Variants in MICAL2 observed in about 807,000 individuals in gnomAD.
MICAL2 encodes [F-actin]-monooxygenase MICAL2.
MICAL2 carries 77 observed loss-of-function variants against 127.3 expected under a neutral mutation model. That is an observed-to-expected ratio of 0.60 (90% CI 0.50 to 0.73). The LOEUF is 0.73. Ranked by LOEUF, MICAL2 falls within the 30% of genes least tolerant of loss-of-function variation. MICAL2 has a pLI of 0.00. For synonymous variants in MICAL2, 570 were observed against 551.1 expected, an observed-to-expected ratio of 1.03 and a Z score of -0.48; for missense variants, 1,351 against 1,434.4, an observed-to-expected ratio of 0.94 and a Z score of 0.94.
rs186513728 is a variant in MICAL2, at chr11:12,209,746, G to T, written c.691+148G>T. On this transcript the variant is annotated intron_variant, in intron 6 of 27. Transcript: ENST00000683283. ...GGGCAGACCATCCTGTCCCTCTTGA[G>T]GTAGAACAGCCCATCCACCTGTGGG... 2,100 of 695,116 alleles carry T rather than the reference G, an allele frequency of 3.0e-3. 7 individuals carry two copies. Among genetic ancestry groups the T allele is most frequent in the Non-Finnish European group, 4.6e-3 (1,833 of 394,540 alleles). The allele number at this position is 695,116 out of a possible 1,614,324, so 43.1% of individuals were successfully genotyped here. A position where few individuals can be genotyped will look rare whatever the true frequency, so the allele number is the denominator to read the frequency against.
chr11:12,213,072 C>T (rs553946433), intron 6 of MICAL2, among the ~76,000 whole-genome samples, 183 bp from the exon 7 acceptor site: 8 of 142,942 alleles, frequency 5.6e-5, no homozygotes, highest in African/African-American at 1.7e-4. Flanking sequence ...CGGACAGTCT[C>T]ACTGACTTTT....
At chr11:12,348,037 C>G (rs1349263785) in intron 32 of MICAL2, among the ~76,000 whole-genome samples, 1 of 150,944 alleles carries the variant, frequency 6.6e-6, no homozygotes, top group South Asian at 2.1e-4. Flanking sequence ...ACCTGTAGTC[C>G]TAGCTACTCA....
In MICAL2 at chr11:12,216,422, G is replaced by A. The variant is rs1228852344; in HGVS notation, c.948+103G>A. On this transcript the variant is annotated intron_variant, in intron 8 of 27. Coordinates refer to ENST00000683283, the MANE Select transcript of MICAL2 (RefSeq NM_001282663.2). The stretch of plus-strand genomic sequence containing the variant: ...TCCTGCCAGAAACTGAGCGAGGGGA[G>A]GAGGGGGGAAGGTGCCACCAGCTTA... 3.4e-6 allele frequency: 3 copies of A among 890,748 alleles called. No homozygotes were observed. In the East Asian group the frequency reaches 7.7e-5, roughly 23 times the overall value. The allele number at this position is 890,748 out of a possible 1,614,324, so 55.2% of individuals were successfully genotyped here.
downstream of MICAL2, among the ~76,000 whole-genome samples, chr11:12,266,367 AT>A (rs533752234): frequency 2.5e-3 from 387 of 152,272 alleles, no homozygotes; most frequent in Middle Eastern, 0.01. Flanking sequence ...TGCAACTTGA[AT>A]GTGTAAGTCG....
chr11:12,327,170 C>G, intron 31 of MICAL2: 1 of 1,551,506 alleles, frequency 6.4e-7, no homozygotes, highest in South Asian at 1.2e-5. Context: ...CCTGGTGTTG[C>G]AGGCCATCCA....
intron 15 of MICAL2, among the ~76,000 whole-genome samples, chr11:12,233,738 T>C (rs1365454780): frequency 6.6e-6 from 1 of 152,244 alleles, no homozygotes; most frequent in Non-Finnish European, 1.5e-5. Context: ...ACATAAGTTA[T>C]TTATTCTCAT....
At chr11:12,203,162 G>C (rs1258643032) in intron 3 of MICAL2, among the ~76,000 whole-genome samples, 2 of 152,152 alleles carry the variant, frequency 1.3e-5, no homozygotes, top group African/African-American at 4.8e-5. Flanking sequence ...TTCTTCATCA[G>C]TGGTGGCCAT....
At chr11:12,330,898 AGAGT>A (rs1389218195) in intron 32 of MICAL2, among the ~76,000 whole-genome samples, 35 of 121,198 alleles carry the variant, frequency 2.9e-4, no homozygotes, top group East Asian at 1.2e-3. Flanking sequence ...AGAGAGAGAG[AGAGT>A]GTGTGTGTGT....
At chr11:12,327,103 T>C in intron 31 of MICAL2, 1 of 1,343,044 alleles carries the variant, frequency 7.4e-7, no homozygotes, top group East Asian at 2.5e-5. Flanking sequence ...GGAAAGTAAG[T>C]GGCAGAATCA....
chr11:12,347,812 C>T (rs569443506), intron 32 of MICAL2, among the ~76,000 whole-genome samples: 2 of 152,070 alleles, frequency 1.3e-5, no homozygotes, highest in African/African-American at 4.8e-5. Context: ...TGGGTCAGAA[C>T]TCCTGTGCAG....
rs746964219 is a variant in MICAL2 at position 12,259,818 on chromosome 11, G to A, written c.3255G>A (p.Gln1085=). ...AGGAGGAGGCAACATGGCAAGAGCA[G>A]GAAGCCCCTCGGAGAGACACTCCCA... The part of the protein sequence containing the change: ...QREEEATWQE[Q]EAPRRDTPTE... The change falls in exon 26 of 28, where the codon CAG becomes CAA. Residue 1085 remains glutamine, a synonymous_variant. Coordinates refer to ENST00000683283, the MANE Select transcript of MICAL2 (RefSeq NM_001282663.2). 1.3e-6 allele frequency: 2 copies of A among 1,563,888 alleles called. No individual in the cohort carries two copies. The highest frequency in any genetic ancestry group is 1.7e-6 in the Non-Finnish European group (2 of 1,152,020).
intron 31 of MICAL2, among the ~76,000 whole-genome samples, chr11:12,326,702 C>G (rs1014390660): frequency 6.6e-6 from 1 of 152,234 alleles, no homozygotes; most frequent in Admixed American, 6.5e-5. Context: ...TGGCCCAGTT[C>G]TCTTGCTCCA....
intron 3 of MICAL2, among the ~76,000 whole-genome samples, chr11:12,166,457 TTTAA>T (rs1185453316): frequency 2.0e-5 from 3 of 152,244 alleles, no homozygotes; most frequent in Non-Finnish European, 2.9e-5. Context: ...CTGTATTCAC[TTTAA>T]TTAATCATTC....
At chr11:12,294,698 C>G (rs370308220), downstream of MICAL2, 2 of 1,613,978 alleles carry the variant, frequency 1.2e-6, no homozygotes, top group African/African-American at 1.3e-5. Flanking sequence ...CATCAGGGAC[C>G]TCTTTGGCAG....
At chr11:12,135,718 C>T (rs2171149) in intron 1 of MICAL2, among the ~76,000 whole-genome samples, 6,669 of 152,250 alleles carry the variant, frequency 0.044, 496 homozygotes, top group African/African-American at 0.15. Context: ...TTAACTGCCT[C>T]ACTGGGTAGC....
intron 1 of MICAL2, among the ~76,000 whole-genome samples, chr11:12,126,312 C>T (rs1409329448): frequency 1.3e-5 from 2 of 152,196 alleles, no homozygotes; most frequent in Non-Finnish European, 2.9e-5. Flanking sequence ...CTCTGAATCT[C>T]TGGGTTTGCC....
chr11:12,311,980 AT>A (rs1280045490), intron 29 of MICAL2, among the ~76,000 whole-genome samples: 1 of 151,784 alleles, frequency 6.6e-6, no homozygotes, highest in Non-Finnish European at 1.5e-5. Flanking sequence ...TTTCCAATGA[AT>A]TTATTCAACC....
intron 2 of MICAL2, among the ~76,000 whole-genome samples, chr11:12,146,313 T>C: frequency 6.6e-6 from 1 of 152,142 alleles, no homozygotes; most frequent in Non-Finnish European, 1.5e-5. Context: ...TGCAATCTAC[T>C]CATCTGACAA....
At chr11:12,149,335 C>A (rs1454996495) in intron 2 of MICAL2, among the ~76,000 whole-genome samples, 1 of 152,190 alleles carries the variant, frequency 6.6e-6, no homozygotes, top group Admixed American at 6.5e-5. Context: ...GATGTTTGGA[C>A]TTCACCCTGC....
Sources: gnomAD v4.1 joint callset for allele counts (sites outside exome capture counted in the v4.1 genomes callset) on GRCh38, gnomAD v4.1.1 for gene constraint, MANE v1.5 for transcripts, NCBI Gene and HGNC (gene_info 2026-07-23, HGNC 2026-07-21) for gene names.